Variants in RHEX observed in about 807,000 individuals in gnomAD.
RHEX encodes the protein regulator of hemoglobinization and erythroid cell expansion.
RHEX carries 18 observed loss-of-function variants against 20.1 expected under a neutral mutation model. The ratio of observed to expected loss-of-function variants is 0.90; its 90% CI spans 0.62 to 1.33. The LOEUF is 1.33. RHEX is among the 40% of genes most tolerant of loss of function. The pLI is 0.00. For synonymous variants in RHEX, 87 were observed against 77.1 expected (o/e 1.13, Z -0.67); for missense variants, 192 against 214.3 (o/e 0.90, Z 0.65).
At chr1:206,064,119 C>T (rs1305598078) in intron 1 of RHEX, among the ~76,000 whole-genome samples, 1 of 149,722 alleles carries the variant, frequency 6.7e-6, no homozygotes, top group Non-Finnish European at 1.5e-5. Flanking sequence ...CTCTGCCCGG[C>T]CGCCCCGTCT....
At chr1:206,064,866 C>T (rs1239289348) in intron 1 of RHEX, among the ~76,000 whole-genome samples, 1 of 151,584 alleles carries the variant, frequency 6.6e-6, no homozygotes, top group Admixed American at 6.5e-5. Flanking sequence ...ATTGAGAAAT[C>T]GGATGGTTGC....
intron 1 of RHEX, chr1:206,056,483 C>T (rs1553282636): frequency 6.6e-6 from 1 of 152,282 alleles, no homozygotes; most frequent in Non-Finnish European, 1.5e-5. Context: ...AAGATTGCTA[C>T]ATTCCTATTA....
chr1:206,080,002 C>T (rs754693826), intron 1 of RHEX, among the ~76,000 whole-genome samples: 6 of 152,188 alleles, frequency 3.9e-5, no homozygotes, highest in Non-Finnish European at 7.3e-5. Flanking sequence ...AAAGGGCATG[C>T]GGCTACCAGA....
chr1:206,092,377 T>C (rs1662973871), intron 1 of RHEX, among the ~76,000 whole-genome samples: 1 of 152,222 alleles, frequency 6.6e-6, no homozygotes, highest in Non-Finnish European at 1.5e-5. Context: ...CCGAAATTAG[T>C]TACTGTTCCC....
intron 1 of RHEX, among the ~76,000 whole-genome samples, chr1:206,095,119 T>C (rs1286419731): frequency 6.6e-6 from 1 of 152,030 alleles, no homozygotes; most frequent in African/African-American, 2.4e-5. Flanking sequence ...AAATGTCAGA[T>C]ACTACCGAGA....
At chr1:206,072,907 C>T (rs752537498) in intron 1 of RHEX, among the ~76,000 whole-genome samples, 9 of 150,496 alleles carry the variant, frequency 6.0e-5, no homozygotes, top group Non-Finnish European at 8.9e-5. Context: ...TCACAGCTCA[C>T]GGCAACCTTA....
At chr1:206,065,049 G>A (rs1553284017) in intron 1 of RHEX, among the ~76,000 whole-genome samples, 2 of 152,114 alleles carry the variant, frequency 1.3e-5, no homozygotes, top group African/African-American at 4.8e-5. Flanking sequence ...AGTGCAAGAT[G>A]TGCTTTGTTA....
At chr1:206,086,436 G>C (rs1229032021) in intron 1 of RHEX, among the ~76,000 whole-genome samples, 1 of 151,942 alleles carries the variant, frequency 6.6e-6, no homozygotes, top group Non-Finnish European at 1.5e-5. Context: ...TCCCACCCCT[G>C]CCTTTCTAAT....
At chr1:206,079,820 T>C (rs1428372916) in intron 1 of RHEX, among the ~76,000 whole-genome samples, 1 of 152,220 alleles carries the variant, frequency 6.6e-6, no homozygotes, top group Non-Finnish European at 1.5e-5. Context: ...CCCAAAGTGC[T>C]GGGATTACAG....
Position 206,098,122 on chromosome 1 carries a change from C to T in RHEX, c.53C>T (p.Ser18Phe). Residue 18 changes from serine to phenylalanine, a missense_variant, in exon 3 of 6, where the codon TCC (serine) becomes TTC (phenylalanine). Physicochemically the swap from Ser to Phe is radical, Grantham distance 155 (BLOSUM62 -2). Coordinates refer to ENST00000331555, the MANE Select transcript of RHEX (RefSeq NM_001007544.4). ...VWHGLVIAVV[S>F]LFLQACFLTA... The stretch of plus-strand genomic sequence containing the variant: ...CATGGCTTAGTGATCGCGGTGGTGT[C>T]CCTCTTCCTGCAGGCCTGCTTCCTC... The T allele has an allele frequency of 2.5e-6, 4 of 1,614,102 alleles. No homozygotes were observed. Among genetic ancestry groups the T allele is most frequent in the Non-Finnish European group, 2.5e-6 (3 of 1,179,982 alleles).
intron 1 of RHEX, among the ~76,000 whole-genome samples, chr1:206,072,368 G>A (rs1662552390): frequency 6.6e-6 from 1 of 152,184 alleles, no homozygotes; most frequent in Non-Finnish European, 1.5e-5. Flanking sequence ...AACGTCAAGA[G>A]TTCGAGACCA....
chr1:206,065,288 A>T (rs1214885229), intron 1 of RHEX, among the ~76,000 whole-genome samples: 2 of 151,648 alleles, frequency 1.3e-5, no homozygotes, highest in African/African-American at 2.4e-5. Flanking sequence ...AAAAAAAAAA[A>T]GATTTTTCTG....
intron 1 of RHEX, among the ~76,000 whole-genome samples, chr1:206,087,057 T>C (rs1571867894): frequency 6.6e-6 from 1 of 152,138 alleles, no homozygotes; most frequent in Non-Finnish European, 1.5e-5. Context: ...TTTACAGATA[T>C]AACCCTGAAG....
chr1:206,098,144 C>T lies in RHEX; in HGVS notation c.75C>T (p.Phe25=). 6.2e-7 allele frequency: 1 copy of T among 1,614,064 alleles called. No homozygotes were observed. Among genetic ancestry groups the T allele is most frequent in the Non-Finnish European group, 8.5e-7 (1 of 1,179,928 alleles). Residue 25 remains phenylalanine, a synonymous_variant, in exon 3 of 6, where the codon TTC becomes TTT. Transcript: ENST00000331555. ...AVVSLFLQAC[F]LTAINYLLSR... ...TGTCCCTCTTCCTGCAGGCCTGCTT[C>T]CTCACCGCCATCAACTACCTGCTCA...
intron 1 of RHEX, among the ~76,000 whole-genome samples, chr1:206,082,157 G>A (rs1365640022): frequency 3.3e-5 from 5 of 152,070 alleles, no homozygotes; most frequent in Non-Finnish European, 5.9e-5. Context: ...ATACATCAAC[G>A]GGTCATAAAA....
chr1:206,068,887 G>A (rs1662478807), intron 1 of RHEX, among the ~76,000 whole-genome samples: 1 of 152,238 alleles, frequency 6.6e-6, no homozygotes, highest in African/African-American at 2.4e-5. Context: ...TGTGGGAAGA[G>A]CTGGTTTAAA....
At chr1:206,087,583 A>G (rs1401883149) in intron 1 of RHEX, among the ~76,000 whole-genome samples, 1 of 152,192 alleles carries the variant, frequency 6.6e-6, no homozygotes, top group African/African-American at 2.4e-5. Flanking sequence ...CCTTCACACC[A>G]TCAAGAGTAT....
intron 1 of RHEX, among the ~76,000 whole-genome samples, chr1:206,065,605 T>C (rs981589226): frequency 2.0e-5 from 3 of 152,226 alleles, no homozygotes; most frequent in Non-Finnish European, 4.4e-5. Flanking sequence ...TTCTTTCATC[T>C]TCTCCCATCT....
At chr1:206,065,186 C>T (rs957376982) in intron 1 of RHEX, among the ~76,000 whole-genome samples, 1 of 151,984 alleles carries the variant, frequency 6.6e-6, no homozygotes, top group Admixed American at 6.5e-5. Flanking sequence ...GACCTTTGTT[C>T]ACTTGTTTAT....
Sources: gnomAD v4.1 joint callset for allele counts (sites outside exome capture counted in the v4.1 genomes callset) on GRCh38, gnomAD v4.1.1 for gene constraint, MANE v1.5 for transcripts, NCBI Gene and HGNC (gene_info 2026-07-23, HGNC 2026-07-21) for gene names.